Variants in USP12 observed in about 807,000 individuals in gnomAD.
The protein encoded by USP12 is ubiquitin carboxyl-terminal hydrolase 12.
Under a neutral mutation model 45.5 loss-of-function variants are expected in USP12, and 19 were observed. That is an observed-to-expected ratio of 0.42 (90% CI 0.29 to 0.61). The LOEUF (loss-of-function observed/expected upper bound fraction) is 0.61, where lower values mean the gene tolerates loss of function less well. USP12 is among the 20% of genes least tolerant of loss of function. The pLI is 0.22. For synonymous variants in USP12, 149 were observed against 148.8 expected (o/e 1.00, Z -0.01); for missense variants, 242 against 447.7 (o/e 0.54, Z 4.15).
At chr13:27,099,698 A>G (rs1331624446) in intron 3 of USP12, among the ~76,000 whole-genome samples, 1 of 151,464 alleles carries the variant, frequency 6.6e-6, no homozygotes, top group African/African-American at 2.4e-5. Context: ...ATTTTTTTTC[A>G]CGTTCATTAT....
At chr13:27,130,282 T>C (rs1876432460) in intron 1 of USP12, among the ~76,000 whole-genome samples, 1 of 152,148 alleles carries the variant, frequency 6.6e-6, no homozygotes, top group African/African-American at 2.4e-5. Context: ...CTTGTTTTTT[T>C]CCCTTTATTG....
At chr13:27,171,256 C>A (rs1878590242) in intron 1 of USP12, among the ~76,000 whole-genome samples, 1 of 150,326 alleles carries the variant, frequency 6.7e-6, no homozygotes, top group South Asian at 2.1e-4. Flanking sequence ...GCCCTCGTCC[C>A]CGCGTCCCGA....
intron 1 of USP12, among the ~76,000 whole-genome samples, chr13:27,142,208 A>C (rs1361186456): frequency 6.6e-6 from 1 of 152,226 alleles, no homozygotes; most frequent in Non-Finnish European, 1.5e-5. Flanking sequence ...TCTGCTAAAA[A>C]ATGTATAACC....
chr13:27,099,003 G>C (rs916551487), intron 3 of USP12, among the ~76,000 whole-genome samples: 10 of 152,270 alleles, frequency 6.6e-5, no homozygotes, highest in Admixed American at 5.2e-4. Context: ...TGAGTCTGAG[G>C]GGGGCAGATC....
chr13:27,105,864 A>G lies in USP12; in HGVS notation c.210T>C (p.Tyr70=). 1 of 1,613,864 alleles carries G rather than the reference A, an allele frequency of 6.2e-7. No homozygotes were observed. Among genetic ancestry groups the G allele is most frequent in the Non-Finnish European group, 8.5e-7 (1 of 1,179,832 alleles). Residue 70 remains tyrosine (Y), a synonymous_variant, in exon 3 of 9, where the codon TAT becomes TAC. Transcript: ENST00000282344. ...TCTCCTTTTTCCTAGGTTGACTCTT[A>G]TACGCAAGAACTTTTTCCCGAAATG... ...CRPFREKVLA[Y]KSQPRKKESL...
intron 1 of USP12, among the ~76,000 whole-genome samples, chr13:27,146,282 G>A (rs542586951): frequency 6.6e-6 from 1 of 152,162 alleles, no homozygotes; most frequent in African/African-American, 2.4e-5. Flanking sequence ...GGCATCTATA[G>A]TCCCAGCTAC....
At chr13:27,162,180 C>T (rs1257496308) in intron 1 of USP12, among the ~76,000 whole-genome samples, 1 of 152,298 alleles carries the variant, frequency 6.6e-6, no homozygotes, top group Non-Finnish European at 1.5e-5. Context: ...AGGACGTTCA[C>T]ATGTGTCATC....
intron 2 of USP12, among the ~76,000 whole-genome samples, chr13:27,110,514 C>A (rs1875386842): frequency 6.6e-6 from 1 of 152,186 alleles, no homozygotes; most frequent in East Asian, 1.9e-4. Flanking sequence ...CTTGTGAGAT[C>A]CAACCCCTCT....
At chr13:27,164,979 A>T (rs1878286105) in intron 1 of USP12, among the ~76,000 whole-genome samples, 1 of 152,146 alleles carries the variant, frequency 6.6e-6, no homozygotes, top group African/African-American at 2.4e-5. Context: ...TAAACAGAAA[A>T]ATCTGAAAGA....
rs185169863 is a variant in USP12, at chr13:27,161,943, T to C, written c.48+9649A>G. ...ACTCATTAACTGTACATTTTTAACATAGTAAAGATTTTAAGGGTAATCTAA... is the reference window on the plus strand; with the variant it reads ...ACTCATTAACTGTACATTTTTAACACAGTAAAGATTTTAAGGGTAATCTAA... On this transcript the variant is annotated intron_variant, in intron 1 of 8. Transcript: ENST00000282344. Among the ~76,000 whole-genome samples the C allele has an allele frequency of 4.1e-3, 622 of 152,114 alleles. 1 individual carries two copies. Among genetic ancestry groups the C allele is most frequent in the Non-Finnish European group, 6.4e-3 (436 of 68,014 alleles).
intron 1 of USP12, among the ~76,000 whole-genome samples, chr13:27,123,157 G>A (rs1430181966): frequency 6.6e-6 from 1 of 152,004 alleles, no homozygotes; most frequent in Non-Finnish European, 1.5e-5. Context: ...CAGAACTGCT[G>A]TAGAGAGACC....
At chr13:27,151,892 A>G (rs1051252742) in intron 1 of USP12, among the ~76,000 whole-genome samples, 13 of 152,230 alleles carry the variant, frequency 8.5e-5, no homozygotes, top group Admixed American at 2.6e-4. Context: ...ATAAGTACCT[A>G]AAGAGGTGCT....
At chr13:27,079,712 A>G (rs1473647333) in intron 6 of USP12, among the ~76,000 whole-genome samples, 1 of 152,214 alleles carries the variant, frequency 6.6e-6, no homozygotes, top group Non-Finnish European at 1.5e-5. Flanking sequence ...AGTTCTTTAG[A>G]TGGAATCTGA....
rs1404865315 is a variant in USP12 at position 27,067,638 on chromosome 13, T to C, written c.*1645A>G. The C allele has an allele frequency of 2.6e-5, 4 of 152,176 alleles. No homozygotes were observed. Among genetic ancestry groups the C allele is most frequent in the African/African-American group, 9.6e-5 (4 of 41,458 alleles). The allele number at this position is 152,176 out of a possible 1,614,324, so 9.4% of individuals were successfully genotyped here. On this transcript the variant is annotated 3_prime_UTR_variant, in exon 9 of 9. Coordinates refer to ENST00000282344, the MANE Select transcript of USP12 (RefSeq NM_182488.4). ...TGAAGTCATTTCCTGAGCCAAAAGA[T>C]ACAGATAATAAATGTTAATAATAGC...
At chr13:27,168,272 TC>T (rs1343141017) in intron 1 of USP12, among the ~76,000 whole-genome samples, 1 of 151,802 alleles carries the variant, frequency 6.6e-6, no homozygotes, top group Non-Finnish European at 1.5e-5. Context: ...CGTTGTCTGG[TC>T]CCCCTCCCAA....
chr13:27,152,737 T>TA lies in USP12; in HGVS notation c.48+18854dup, dbSNP rs1289828280. Among the ~76,000 whole-genome samples the TA allele has an allele frequency of 2.0e-5, 3 of 151,160 alleles. No homozygotes were observed. The East Asian group carries it at 6.0e-4, about 30-fold the overall frequency. Reference sequence around the variant, plus strand: ...GCGGGTGGATCACGAGGTCAGGAGATAGAGACCATCCTGGTTAACACGGTG... The same window carrying TA: ...GCGGGTGGATCACGAGGTCAGGAGATAAGAGACCATCCTGGTTAACACGGTG... On this transcript the variant is annotated intron_variant, in intron 1 of 8. Transcript: ENST00000282344.
At chr13:27,152,904 T>TG (rs1376676479) in intron 1 of USP12, among the ~76,000 whole-genome samples, 1 of 138,400 alleles carries the variant, frequency 7.2e-6, no homozygotes, top group Non-Finnish European at 1.5e-5. Context: ...ATCGCACCAC[T>TG]GCACTCCAGC....
At chr13:27,116,462 G>C (rs1025280827) in intron 2 of USP12, 54 bp downstream of exon 2, 2 of 1,551,476 alleles carry the variant, frequency 1.3e-6, no homozygotes, top group Non-Finnish European at 1.8e-6. Context: ...TGCATTCATC[G>C]TTTTTAAAAC....
intron 1 of USP12, among the ~76,000 whole-genome samples, chr13:27,136,231 G>A (rs1486595121): frequency 3.9e-5 from 6 of 152,154 alleles, no homozygotes; most frequent in South Asian, 2.1e-4. Context: ...GGCGGGGCGC[G>A]GTGCTCACGC....
Sources: allele counts gnomAD v4.1 joint callset (sites outside exome capture counted in the v4.1 genomes callset), GRCh38; gene constraint gnomAD v4.1.1; transcripts MANE v1.5; gene names NCBI Gene and HGNC (gene_info 2026-07-23, HGNC 2026-07-21).